TMEM94: variants seen among roughly 807,000 people sequenced by gnomAD.
TMEM94 encodes the protein transmembrane protein 94.
A neutral mutation model predicts 158.6 loss-of-function variants in TMEM94; 81 were observed. That is an observed-to-expected ratio of 0.51 (90% CI 0.43 to 0.61). TMEM94 has a LOEUF of 0.61. Among genes scored for constraint, TMEM94 ranks in the 20% least tolerant of loss-of-function variants. The pLI is 0.00. For synonymous variants in TMEM94, 751 were observed against 730.7 expected (o/e 1.03, Z -0.45); for missense variants, 1,435 against 1,762.0 (o/e 0.81, Z 3.32).
rs376628293 is a variant in TMEM94, at chr17:75,495,424, G to A, written c.2844+25G>A. 16 of 1,600,460 alleles carry A rather than the reference G, an allele frequency of 1.0e-5. No homozygotes were observed. The highest frequency in any genetic ancestry group is 1.6e-4 in the Middle Eastern group (1 of 6,066). ...GGTACGATGGCAGGATCTGTCTCACGTGTTCCTGTAGTGGTCCCATAGCTG... is the reference window on the plus strand; with the variant it reads ...GGTACGATGGCAGGATCTGTCTCACATGTTCCTGTAGTGGTCCCATAGCTG... On this transcript the variant is annotated intron_variant, in intron 21 of 31. Transcript: ENST00000314256. The surrounding 1 kb of genome is among the most constrained non-coding windows in gnomAD (Gnocchi z 5.6).
rs555966057 is a variant in TMEM94 at position 75,496,425 on chromosome 17, C to G, written c.3197C>G (p.Thr1066Ser). The change falls in exon 24 of 32, where the codon ACC (threonine) becomes AGC (serine). Residue 1066 changes from threonine to serine, a missense_variant. Around this residue, in one of 3 missense-constraint regions of TMEM94, gnomAD observed 335 missense variants for 409.1 expected, o/e 0.82. Coordinates refer to ENST00000314256, the MANE Select transcript of TMEM94 (RefSeq NM_014738.6). ...CTCAACAGCCTGCCCTGTTCCCTGACCTTTCGCCAGGAGGAGACCATCAGC... is the reference window on the plus strand; with the variant it reads ...CTCAACAGCCTGCCCTGTTCCCTGAGCTTTCGCCAGGAGGAGACCATCAGC... ...GQLNSLPCSL[T>S]FRQEETISII... The G allele has an allele frequency of 6.2e-7, 1 of 1,613,710 alleles. No individual in the cohort carries two copies. Among genetic ancestry groups the G allele is most frequent in the Admixed American group, 1.7e-5 (1 of 60,024 alleles).
At chr17:75,473,630 G>T (rs1298381902) in intron 2 of TMEM94, among the ~76,000 whole-genome samples, 1 of 152,140 alleles carries the variant, frequency 6.6e-6, no homozygotes, top group Non-Finnish European at 1.5e-5. Context: ...AGCTCTCAGG[G>T]GCCATTTTTC....
chr17:75,479,677 G>A (rs147957998), intron 2 of TMEM94, among the ~76,000 whole-genome samples: 18 of 152,122 alleles, frequency 1.2e-4, no homozygotes, highest in African/African-American at 3.6e-4. Context: ...CAACACTTTG[G>A]GAGGCTGAGG....
intron 1 of TMEM94, among the ~76,000 whole-genome samples, chr17:75,459,546 T>A (rs2049998655): frequency 1.3e-5 from 2 of 152,210 alleles, no homozygotes; most frequent in African/African-American, 4.8e-5. Flanking sequence ...ATCGTCCTGT[T>A]CCTGCCTGCT....
At chr17:75,497,983 T>C (rs1177691232) in intron 27 of TMEM94, 121 bp downstream of exon 27, 1 of 1,174,850 alleles carries the variant, frequency 8.5e-7, no homozygotes, top group African/African-American at 1.5e-5. Context: ...ACTCCGGCAC[T>C]TGGTTCCTAG....
intron 26 of TMEM94, among the ~76,000 whole-genome samples, chr17:75,497,532 T>G (rs1285914942): frequency 6.6e-6 from 1 of 152,048 alleles, no homozygotes; most frequent in African/African-American, 2.4e-5. Context: ...TTTTGTATTT[T>G]TAGTAGAGAT....
At chr17:75,464,335 T>C (rs1041180283) in intron 1 of TMEM94, among the ~76,000 whole-genome samples, 2 of 151,396 alleles carry the variant, frequency 1.3e-5, no homozygotes, top group African/African-American at 4.8e-5. Flanking sequence ...AAAAAAAAAA[T>C]TGTCAGGCAT....
rs1598318391 is a variant in TMEM94, at chr17:75,467,551, A to C, written c.-106-4249A>C. Among the ~76,000 whole-genome samples, 6 of 107,910 alleles carry C rather than the reference A, an allele frequency of 5.6e-5. No individual in the cohort carries two copies. In the South Asian group the frequency reaches 1.5e-3, roughly 27 times the overall value. The allele number at this position is 107,910 out of a possible 152,430, so 70.8% of individuals were successfully genotyped here. A position where few individuals can be genotyped will look rare whatever the true frequency, so the allele number is the denominator to read the frequency against. Reference sequence around the variant, plus strand: ...TTTTTTTTTTTTTTTTTTGAGACGGAGTCTCGCTCTGTCGCCCAGGCCGGA... The same window carrying C: ...TTTTTTTTTTTTTTTTTTGAGACGGCGTCTCGCTCTGTCGCCCAGGCCGGA... On this transcript the variant is annotated intron_variant, in intron 1 of 31. Transcript: ENST00000314256.
Position 75,464,326 on chromosome 17 carries a change from A to G in TMEM94, c.-106-7474A>G, listed in dbSNP as rs1365942077. On this transcript the variant is annotated intron_variant, in intron 1 of 31. Coordinates refer to ENST00000314256, the MANE Select transcript of TMEM94 (RefSeq NM_014738.6). ...CTGGGCAACATAGACCCTGTCTCCA[A>G]AAAAAAAATTGTCAGGCATAGTGGC... Among the ~76,000 whole-genome samples, 5 of 151,336 alleles carry G rather than the reference A, an allele frequency of 3.3e-5. No homozygotes were observed. The South Asian group carries it at 6.3e-4, about 19-fold the overall frequency.
In TMEM94 at chr17:75,489,332, G is replaced by A; in HGVS notation, c.831G>A (p.Gln277=). The A allele has an allele frequency of 6.2e-7, 1 of 1,614,226 alleles. No homozygotes were observed. Among genetic ancestry groups the A allele is most frequent in the Non-Finnish European group, 8.5e-7 (1 of 1,180,040 alleles). ...TALDNERFTV[Q]SVMLHYAVPV... ...TGGACAATGAGCGGTTCACAGTGCA[G>A]TCGGTGATGCTACACTATGCTGTGC... Residue 277 remains glutamine (Q), a synonymous_variant, in exon 8 of 32, where the codon CAG becomes CAA. Coordinates refer to ENST00000314256, the MANE Select transcript of TMEM94 (RefSeq NM_014738.6). The surrounding 1 kb of genome is among the most constrained non-coding windows in gnomAD (Gnocchi z 5.0).
chr17:75,484,868 C>G (rs1435479465), intron 2 of TMEM94, among the ~76,000 whole-genome samples: 1 of 152,036 alleles, frequency 6.6e-6, no homozygotes, highest in Admixed American at 6.6e-5. Context: ...GAAACCTCGT[C>G]TCCACTAAAA....
Position 75,497,794 on chromosome 17 carries a change from G to A in TMEM94, c.3421G>A (p.Gly1141Arg), listed in dbSNP as rs772593067. Residue 1141 changes from glycine to arginine, a missense_variant, in exon 27 of 32, where the codon GGG becomes AGG. By Grantham distance (125) the Gly-to-Arg change is moderately radical. This residue lies in a region of TMEM94 where 335 missense variants were observed against 409.1 expected (regional missense o/e 0.82). Transcript: ENST00000314256. ...CYPLLSISLL[G>R]KPPHSSIMSM... ...TCTGCTTTTCAGCATCTCTCTGCTG[G>A]GGAAGCCCCCCCATAGCTCCATCAT... 32 of 1,613,658 alleles carry A rather than the reference G, an allele frequency of 2.0e-5. No individual in the cohort carries two copies. Among genetic ancestry groups the A allele is most frequent in the Non-Finnish European group, 2.6e-5 (31 of 1,179,822 alleles).
chr17:75,464,855 CA>C (rs1380806545), intron 1 of TMEM94, among the ~76,000 whole-genome samples: 1 of 151,612 alleles, frequency 6.6e-6, no homozygotes, highest in African/African-American at 2.4e-5. Context: ...ACTACAGGTG[CA>C]GTCGGCTGAT....
At chr17:75,463,130 G>A (rs1183088177) in intron 1 of TMEM94, among the ~76,000 whole-genome samples, 59 of 3,012 alleles carry the variant, frequency 0.02, 5 homozygotes, top group South Asian at 0.071. Flanking sequence ...ATATATACGT[G>A]TATATATGTA....
At chr17:75,467,182 C>G (rs2050334870) in intron 1 of TMEM94, among the ~76,000 whole-genome samples, 1 of 151,842 alleles carries the variant, frequency 6.6e-6, no homozygotes, top group Non-Finnish European at 1.5e-5. Flanking sequence ...ACCATGTTGT[C>G]CAGGTTGGTC....
rs1400534761 is a variant in TMEM94 at position 75,463,152 on chromosome 17, GTA to G, written c.-107+6409_-107+6410del. Among the ~76,000 whole-genome samples, 10 of 21,578 alleles carry G rather than the reference GTA, an allele frequency of 4.6e-4. 2 individuals carry two copies. The highest frequency in any genetic ancestry group is 1.0e-3 in the African/African-American group (3 of 2,936). 14.2% of individuals were successfully genotyped at this position (21,578 alleles called of 152,430 possible). A position where few individuals can be genotyped will look rare whatever the true frequency, so the allele number is the denominator to read the frequency against. On this transcript the variant is annotated intron_variant, in intron 1 of 31. Transcript: ENST00000314256. The stretch of plus-strand genomic sequence containing the variant: ...CGTGTATATATGTATATATATACAC[GTA>G]TATATATGTGTGTGTGTGTGTGTGT...
At chr17:75,472,018 T>G in intron 2 of TMEM94, 89 bp downstream of exon 2, 1 of 1,399,822 alleles carries the variant, frequency 7.1e-7, no homozygotes, top group Non-Finnish European at 1.0e-6. Flanking sequence ...GATCCTTAAC[T>G]GGGGGCTTTA....
At position 75,492,308 on chromosome 17, in the gene TMEM94, C is replaced by T. The variant is rs1038360959; in HGVS notation, c.1597-166C>T. Reference sequence around the variant, plus strand: ...ACAGGAGCCCAAGAAGGACAGGAAGCGGATTTCAGGAGGGAGCGGGTGGAA... The same window carrying T: ...ACAGGAGCCCAAGAAGGACAGGAAGTGGATTTCAGGAGGGAGCGGGTGGAA... On this transcript the variant is annotated intron_variant, in intron 14 of 31. Coordinates refer to ENST00000314256, the MANE Select transcript of TMEM94 (RefSeq NM_014738.6). This position sits in a 1 kb window ranked among gnomAD's most constrained non-coding sequence, Gnocchi z 4.4. The T allele has an allele frequency of 2.3e-5, 33 of 1,428,720 alleles. No homozygotes were observed. The highest frequency in any genetic ancestry group is 6.1e-5 in the South Asian group (4 of 65,332). The allele number at this position is 1,428,720 out of a possible 1,614,324, so 88.5% of individuals were successfully genotyped here. A position where few individuals can be genotyped will look rare whatever the true frequency, so the allele number is the denominator to read the frequency against.
chr17:75,471,835 C>T lies in TMEM94; in HGVS notation c.-71C>T, dbSNP rs1315114215. 1 of 1,513,808 alleles carries T rather than the reference C, an allele frequency of 6.6e-7. No individual in the cohort carries two copies. The highest frequency in any genetic ancestry group is 9.2e-7 in the Non-Finnish European group (1 of 1,090,476). 93.8% of individuals were successfully genotyped at this position (1,513,808 alleles called of 1,614,324 possible). On this transcript the variant is annotated 5_prime_UTR_variant, in exon 2 of 32. Coordinates refer to ENST00000314256, the MANE Select transcript of TMEM94 (RefSeq NM_014738.6). Reference sequence around the variant, plus strand: ...TGTGACAGACTCACTGGGGTTTGTACATGCTGGGGAGGAGCCTTCCTTTCA... The same window carrying T: ...TGTGACAGACTCACTGGGGTTTGTATATGCTGGGGAGGAGCCTTCCTTTCA...
Sources: gnomAD v4.1 joint callset for allele counts (sites outside exome capture counted in the v4.1 genomes callset) on GRCh38, gnomAD v4.1.1 for gene constraint, gnomAD v4.1.1 regional missense constraint, Gnocchi (gnomAD v3.1) non-coding constraint, MANE v1.5 for transcripts, NCBI Gene and HGNC (gene_info 2026-07-23, HGNC 2026-07-21) for gene names.